The following CAPZB variants were observed in gnomAD, a reference collection of about 807,000 sequenced individuals.
The protein encoded by CAPZB is capping actin protein of muscle Z-line subunit beta, also known as F-actin-capping protein subunit beta.
In CAPZB, 2 loss-of-function variants were observed where a neutral mutation model predicts 38.1. The ratio of observed to expected loss-of-function variants is 0.05; its 90% CI spans 0.02 to 0.17. The LOEUF (loss-of-function observed/expected upper bound fraction) is 0.17. CAPZB is among the 10% of genes least tolerant of loss of function. The pLI is 1.00. For synonymous variants in CAPZB, 107 were observed against 127.4 expected (o/e 0.84, Z 1.08); for missense variants, 161 against 334.2 (o/e 0.48, Z 4.04).
chr1:19,452,945 A>C (rs949743326), intron 1 of CAPZB, among the ~76,000 whole-genome samples: 1 of 151,916 alleles, frequency 6.6e-6, no homozygotes, highest in Non-Finnish European at 1.5e-5. Flanking sequence ...CTGGGATTAT[A>C]GGCACCTGTC....
At chr1:19,381,785 T>A (rs1178258171) in intron 3 of CAPZB, among the ~76,000 whole-genome samples, 2 of 146,718 alleles carry the variant, frequency 1.4e-5, no homozygotes, top group Non-Finnish European at 3.0e-5. Context: ...CTGTGTCTCC[T>A]GGGTTCAAGC....
Position 19,431,762 on chromosome 1 carries a change from A to T in CAPZB, c.4-12012T>A, listed in dbSNP as rs561099946. Among the ~76,000 whole-genome samples, 13 of 151,914 alleles carry T rather than the reference A, an allele frequency of 8.6e-5. No homozygotes were observed. In the East Asian group the frequency reaches 2.3e-3, roughly 27 times the overall value. ...AAAATAAAAAATAAAAAAAAAGAAT[A>T]CAGTTGATTTTATCCAAGAAAATAC... On this transcript the variant is annotated intron_variant, in intron 1 of 8. Coordinates refer to ENST00000264202, the MANE Select transcript of CAPZB (RefSeq NM_004930.5).
intron 4 of CAPZB, among the ~76,000 whole-genome samples, chr1:19,367,805 T>G (rs1334618333): frequency 6.6e-6 from 1 of 152,178 alleles, no homozygotes; most frequent in African/African-American, 2.4e-5. Context: ...GAGGCTTTTA[T>G]TTTTTTACTT....
intron 1 of CAPZB, among the ~76,000 whole-genome samples, chr1:19,460,799 T>A (rs1015303744): frequency 6.6e-6 from 1 of 151,960 alleles, no homozygotes; most frequent in African/African-American, 2.4e-5. Context: ...GTATCACTCC[T>A]TAAGAGCAAC....
chr1:19,484,166 A>C, intron 1 of CAPZB: 2 of 1,607,198 alleles, frequency 1.2e-6, no homozygotes, highest in South Asian at 1.1e-5. Flanking sequence ...CGGAGCCAGC[A>C]CTCTCCCTAG....
intron 1 of CAPZB, among the ~76,000 whole-genome samples, chr1:19,466,481 G>A (rs1178257693): frequency 3.3e-5 from 5 of 152,222 alleles, no homozygotes; most frequent in African/African-American, 4.8e-5. Context: ...CGGCGCAGGT[G>A]ATGTGAGAGG....
chr1:19,484,086 T>C (rs776466614), intron 1 of CAPZB: 158 of 1,232,548 alleles, frequency 1.3e-4, no homozygotes, highest in Non-Finnish European at 1.6e-4. Flanking sequence ...TGTGGGGGCC[T>C]ATGTGAAACC....
At chr1:19,419,250 CA>C (rs1373463814) in intron 2 of CAPZB, among the ~76,000 whole-genome samples, 2 of 152,218 alleles carry the variant, frequency 1.3e-5, no homozygotes, top group Non-Finnish European at 1.5e-5. Flanking sequence ...AAGCATCTTA[CA>C]GGTAGACGCT....
intron 1 of CAPZB, among the ~76,000 whole-genome samples, chr1:19,454,365 ACC>A (rs2100711402): frequency 6.6e-6 from 1 of 152,300 alleles, no homozygotes; most frequent in African/African-American, 2.4e-5. Context: ...CCCCTATGTT[ACC>A]CCATAATATC....
intron 2 of CAPZB, among the ~76,000 whole-genome samples, chr1:19,387,232 G>A (rs1312726479): frequency 1.3e-5 from 2 of 152,144 alleles, no homozygotes; most frequent in Middle Eastern, 3.2e-3. Context: ...ACAAAACCAG[G>A]GCCAGATGAG....
intron 1 of CAPZB, among the ~76,000 whole-genome samples, chr1:19,422,114 G>A (rs2094403504): frequency 2.0e-5 from 3 of 152,054 alleles, no homozygotes; most frequent in African/African-American, 7.3e-5. Context: ...GTATAAACTA[G>A]TATTTCTCAA....
chr1:19,465,344 T>C (rs760536650), intron 1 of CAPZB, among the ~76,000 whole-genome samples: 6 of 152,188 alleles, frequency 3.9e-5, no homozygotes, highest in Non-Finnish European at 8.8e-5. Flanking sequence ...GCGCTGTCTA[T>C]GATGCAGAGA....
At chr1:19,433,786 T>C (rs2100592937) in intron 1 of CAPZB, among the ~76,000 whole-genome samples, 1 of 152,292 alleles carries the variant, frequency 6.6e-6, no homozygotes, top group African/African-American at 2.4e-5. Context: ...TGGGCTCCAA[T>C]TTCAGATGCC....
intron 6 of CAPZB, among the ~76,000 whole-genome samples, chr1:19,348,295 G>A (rs1248638238): frequency 6.6e-6 from 1 of 151,926 alleles, no homozygotes; most frequent in African/African-American, 2.4e-5. Flanking sequence ...AAAAGACAAG[G>A]AGGTCTTGCT....
At chr1:19,379,765 T>C (rs1045964235) in intron 3 of CAPZB, among the ~76,000 whole-genome samples, 4 of 152,060 alleles carry the variant, frequency 2.6e-5, no homozygotes, top group Admixed American at 1.3e-4. Context: ...AAGGGGGTTA[T>C]AAGGGAAAGA....
intron 1 of CAPZB, among the ~76,000 whole-genome samples, chr1:19,474,471 C>T (rs893296992): frequency 6.7e-6 from 1 of 150,274 alleles, no homozygotes; most frequent in East Asian, 2.0e-4. Flanking sequence ...GCTATACTAC[C>T]CCAGGCTGCC....
At chr1:19,369,526 C>T (rs2094108949) in intron 4 of CAPZB, among the ~76,000 whole-genome samples, 1 of 152,240 alleles carries the variant, frequency 6.6e-6, no homozygotes, top group African/African-American at 2.4e-5. Flanking sequence ...TTCTCAGAGG[C>T]CCTGTGCGCA....
At chr1:19,366,114 G>A (rs1245636989) in intron 4 of CAPZB, among the ~76,000 whole-genome samples, 2 of 151,504 alleles carry the variant, frequency 1.3e-5, no homozygotes, top group Non-Finnish European at 2.9e-5. Context: ...TTCTGCTTCT[G>A]GGATCTCACC....
At chr1:19,353,845 C>G (rs983225426) in intron 6 of CAPZB, among the ~76,000 whole-genome samples, 4 of 152,246 alleles carry the variant, frequency 2.6e-5, no homozygotes, top group African/African-American at 9.6e-5. Context: ...CAGCACACAC[C>G]TGGGGAGCCT....
Sources: gnomAD v4.1 joint callset for allele counts (sites outside exome capture counted in the v4.1 genomes callset) on GRCh38, gnomAD v4.1.1 for gene constraint, MANE v1.5 for transcripts, NCBI Gene and HGNC (gene_info 2026-07-23, HGNC 2026-07-21) for gene names.